The following DNAH11 variants were observed in gnomAD, a reference collection of about 807,000 sequenced individuals.
DNAH11 encodes dynein axonemal heavy chain 11, also known as axonemal beta dynein heavy chain 11.
In DNAH11, 442 loss-of-function variants were observed where a neutral mutation model predicts 526.0. The observed-to-expected ratio is 0.84, with a 90% CI of 0.78 to 0.91. The LOEUF is 0.91. DNAH11 is among the 40% of genes least tolerant of loss of function. The probability of loss-of-function intolerance (pLI) is 0.00; values close to 1 mark genes in which losing one functional copy is unlikely to be tolerated. For synonymous variants in DNAH11, 2,461 were observed against 1,935.9 expected, an observed-to-expected ratio of 1.27 and a Z score of -7.12; for missense variants, 6,989 against 5,448.7, an observed-to-expected ratio of 1.28 and a Z score of -8.90.
chr7:21,742,314 G>A, intron 49 of DNAH11, 148 bp downstream of exon 49: 6 of 1,011,392 alleles, frequency 5.9e-6, no homozygotes, highest in Non-Finnish European at 7.0e-6. Context: ...TGGTTCTGCA[G>A]GCTGTGCTAG....
chr7:21,658,139 G>A (rs540429076), intron 29 of DNAH11, among the ~76,000 whole-genome samples: 12 of 151,798 alleles, frequency 7.9e-5, no homozygotes, highest in African/African-American at 2.2e-4. Context: ...ATTTTTGGGC[G>A]CAAACTAAGC....
chr7:21,852,488 A>C lies in DNAH11; in HGVS notation c.10918A>C (p.Asn3640His), dbSNP rs1562584455. The change falls in exon 67 of 82, where the codon AAT (asparagine) becomes CAT (histidine). Residue 3640 changes from asparagine to histidine, a missense_variant. Asn to His is a moderately conservative substitution (Grantham distance 68). Coordinates refer to ENST00000409508, the MANE Select transcript of DNAH11 (RefSeq NM_001277115.2). Reference protein sequence around the residue: ...KLKLVLTKHQNDFKIELKYLE... With the variant: ...KLKLVLTKHQHDFKIELKYLE... ...TTAGTTGGTATTGACAAAGCACCAAAATGATTTTAAAATTGAGCTCAAGTA... is the reference window on the plus strand; with the variant it reads ...TTAGTTGGTATTGACAAAGCACCAACATGATTTTAAAATTGAGCTCAAGTA... 1 of 1,613,706 alleles carries C rather than the reference A, an allele frequency of 6.2e-7. No homozygotes were observed. The highest frequency in any genetic ancestry group is 8.5e-7 in the Non-Finnish European group (1 of 1,179,760).
chr7:21,609,775 C>G (rs1055895457), intron 20 of DNAH11, among the ~76,000 whole-genome samples: 17 of 151,082 alleles, frequency 1.1e-4, no homozygotes, highest in African/African-American at 4.1e-4. Flanking sequence ...GAAGCCTGTG[C>G]TGCTGTAGTG....
chr7:21,658,843 G>A lies in DNAH11; in HGVS notation c.5140G>A (p.Val1714Met). ...ACTTGAACAGACTATGCAAGAAACG[G>A]TGCGTCATTCTATAACAGAAGCCAT... ...LQLEQTMQETVRHSITEAIVA... is the reference protein window; with the variant it reads ...LQLEQTMQETMRHSITEAIVA... Residue 1714 changes from valine to methionine, a missense_variant, in exon 30 of 82, where the codon GTG becomes ATG. Coordinates refer to ENST00000409508, the MANE Select transcript of DNAH11 (RefSeq NM_001277115.2). The A allele has an allele frequency of 6.2e-7, 1 of 1,603,024 alleles. No individual in the cohort carries two copies. The highest frequency in any genetic ancestry group is 1.3e-5 in the African/African-American group (1 of 74,862).
chr7:21,786,422 G>C (rs1402073975), intron 58 of DNAH11, among the ~76,000 whole-genome samples: 1 of 152,066 alleles, frequency 6.6e-6, no homozygotes, highest in African/African-American at 2.4e-5. Flanking sequence ...GATGTCTCCA[G>C]AGTATCAGAG....
chr7:21,678,540 C>G (rs1048509268), intron 30 of DNAH11, among the ~76,000 whole-genome samples: 1 of 151,630 alleles, frequency 6.6e-6, no homozygotes, highest in African/African-American at 2.4e-5. Flanking sequence ...ATTCAGGGTC[C>G]TTGGTGATTC....
At chr7:21,745,544 G>A (rs1304285209) in intron 51 of DNAH11, among the ~76,000 whole-genome samples, 1 of 152,134 alleles carries the variant, frequency 6.6e-6, no homozygotes, top group Non-Finnish European at 1.5e-5. Flanking sequence ...CCTAGACCTG[G>A]TACCTCATGT....
intron 74 of DNAH11, 98 bp downstream of exon 74, chr7:21,873,599 G>A (rs1257833793): frequency 8.4e-7 from 1 of 1,193,182 alleles, no homozygotes; most frequent in Non-Finnish European, 1.2e-6. Context: ...TGAGAGGGAT[G>A]AAGCAAGTTC....
intron 21 of DNAH11, among the ~76,000 whole-genome samples, chr7:21,615,854 G>A (rs1785749742): frequency 6.6e-6 from 1 of 152,094 alleles, no homozygotes; most frequent in African/African-American, 2.4e-5. Context: ...GTTGAAAATT[G>A]TCATGTGAAA....
At chr7:21,560,962 C>A in intron 4 of DNAH11, 109 bp from the exon 5 acceptor site, 1 of 759,558 alleles carries the variant, frequency 1.3e-6, no homozygotes, top group Admixed American at 2.7e-5. Context: ...GTGTTAAATA[C>A]TGTATCACTT....
rs1784120934 is a variant in DNAH11, at chr7:21,702,823, T to C, written c.6273+21T>C. On this transcript the variant is annotated intron_variant, in intron 37 of 81. Coordinates refer to ENST00000409508, the MANE Select transcript of DNAH11 (RefSeq NM_001277115.2). ...ATCAGGTACTGCAATGCTAATATGA[T>C]TTTGTTGAGTGAGTAGCTGGCCTGC... 9 of 1,599,248 alleles carry C rather than the reference T, an allele frequency of 5.6e-6. No individual in the cohort carries two copies. In the South Asian group the frequency reaches 1.0e-4, roughly 18 times the overall value.
intron 66 of DNAH11, among the ~76,000 whole-genome samples, chr7:21,849,419 T>G (rs1200931257): frequency 2.6e-5 from 4 of 152,258 alleles, no homozygotes; most frequent in Admixed American, 1.3e-4. Flanking sequence ...TCTTTCATTC[T>G]TTACATAGAT....
At chr7:21,561,806 C>CA (rs1783469756) in intron 5 of DNAH11, among the ~76,000 whole-genome samples, 1 of 152,156 alleles carries the variant, frequency 6.6e-6, no homozygotes, top group South Asian at 2.1e-4. Context: ...CATGTATAAG[C>CA]ATTTAGTTAT....
intron 20 of DNAH11, 129 bp from the exon 21 acceptor site, chr7:21,614,985 G>A (rs981549697): frequency 4.5e-6 from 5 of 1,103,096 alleles, no homozygotes; most frequent in Middle Eastern, 2.1e-4. Context: ...CAGTAATTAC[G>A]CTGCAGATTT....
Position 21,687,092 on chromosome 7 carries a change from C to T in DNAH11, c.5622-7C>T. ...ACTGTGATGTTTGTGTTTTCTATTG[C>T]TTAAAGGTGTTATATTACCTTAACT... is the stretch of plus-strand genomic sequence containing the variant. On this transcript the variant is annotated splice_region_variant and splice_polypyrimidine_tract_variant and intron_variant, in intron 32 of 81. Transcript: ENST00000409508. The T allele has an allele frequency of 6.2e-7, 1 of 1,610,030 alleles. No individual in the cohort carries two copies. The highest frequency in any genetic ancestry group is 2.2e-5 in the East Asian group (1 of 44,778).
At chr7:21,628,033 G>T (rs1786429692) in intron 25 of DNAH11, among the ~76,000 whole-genome samples, 2 of 151,790 alleles carry the variant, frequency 1.3e-5, no homozygotes, top group Admixed American at 6.6e-5. Context: ...CTACATAGTT[G>T]ATATTATTTG....
chr7:21,597,071 G>A (rs141569859), intron 14 of DNAH11, among the ~76,000 whole-genome samples: 6 of 152,282 alleles, frequency 3.9e-5, no homozygotes, highest in African/African-American at 7.2e-5. Flanking sequence ...GCATGTCAGC[G>A]AGTGGTCTGG....
intron 57 of DNAH11, among the ~76,000 whole-genome samples, chr7:21,782,525 C>G (rs1787991737): frequency 6.6e-6 from 1 of 152,116 alleles, no homozygotes; most frequent in South Asian, 2.1e-4. Flanking sequence ...ATTTAATGTT[C>G]AAGATTGTTT....
At chr7:21,549,967 G>A (rs1368883376) in intron 2 of DNAH11, among the ~76,000 whole-genome samples, 1 of 152,094 alleles carries the variant, frequency 6.6e-6, no homozygotes, top group South Asian at 2.1e-4. Context: ...GATTGAGTAG[G>A]GGGGAGTCCC....
Sources: gnomAD v4.1 joint callset for allele counts (sites outside exome capture counted in the v4.1 genomes callset) on GRCh38, gnomAD v4.1.1 for gene constraint, MANE v1.5 for transcripts, NCBI Gene and HGNC (gene_info 2026-07-23, HGNC 2026-07-21) for gene names.